C7orf57: variants seen among roughly 807,000 people sequenced by gnomAD.
C7orf57 encodes the protein chromosome 7 open reading frame 57.
A neutral mutation model predicts 39.0 loss-of-function variants in C7orf57; 33 were observed. The ratio of observed to expected loss-of-function variants is 0.85; its 90% CI spans 0.64 to 1.13. The LOEUF is 1.13. Among genes scored for constraint, C7orf57 ranks in the 50% most tolerant of loss-of-function variants. C7orf57 has a pLI of 0.00. For synonymous variants in C7orf57, 124 were observed against 137.1 expected, an observed-to-expected ratio of 0.90 and a Z score of 0.67; for missense variants, 346 against 362.3, an observed-to-expected ratio of 0.95 and a Z score of 0.37.
rs563000998 is a variant in C7orf57, at chr7:48,049,759, C to A, written c.508-121C>A. The A allele has an allele frequency of 3.4e-5, 23 of 676,050 alleles. 1 individual carries two copies. The South Asian group carries it at 3.8e-4, about 11-fold the overall frequency. 41.9% of individuals were successfully genotyped at this position (676,050 alleles called of 1,614,324 possible). ...AATTATATTTTATTGTGAGCATTTA[C>A]AATGACCACATTGAAAGTCCAGCCT... On this transcript the variant is annotated intron_variant, in intron 5 of 8. Coordinates refer to ENST00000348904, the MANE Select transcript of C7orf57 (RefSeq NM_001100159.3).
intron 7 of C7orf57, among the ~76,000 whole-genome samples, chr7:48,054,152 C>A (rs1007881261): frequency 6.6e-6 from 1 of 152,208 alleles, no homozygotes; most frequent in African/African-American, 2.4e-5. Flanking sequence ...TGGTGGCTCA[C>A]GCCTGTAATC....
intron 6 of C7orf57, among the ~76,000 whole-genome samples, chr7:48,051,119 G>GT (rs35939380): frequency 0.3 from 46,197 of 151,992 alleles, 7,648 homozygotes; most frequent in Middle Eastern, 0.53. Context: ...ACAAACCTGT[G>GT]TAAGAGAGTA....
chr7:48,054,748 A>C (rs929215066), intron 8 of C7orf57, 142 bp downstream of exon 8: 3 of 652,416 alleles, frequency 4.6e-6, no homozygotes, highest in Non-Finnish European at 7.8e-6. Flanking sequence ...TCTGACTACA[A>C]AGCTTGTGCC....
At position 48,045,200 on chromosome 7, in the gene C7orf57, G is replaced by A. The variant is rs575255327; in HGVS notation, c.351-1260G>A. On this transcript the variant is annotated intron_variant, in intron 4 of 8. Coordinates refer to ENST00000348904, the MANE Select transcript of C7orf57 (RefSeq NM_001100159.3). ...TCCTGGGACAGGCAGAGGATGAAGA[G>A]TGGGAAGCTCAGGAGAAATCCTTCC... 1.4e-3 allele frequency among the ~76,000 whole-genome samples: 218 copies of A among 152,378 alleles called. 1 individual carries two copies. The highest frequency in any genetic ancestry group is 4.9e-3 in the African/African-American group (202 of 41,586).
At position 48,049,881 on chromosome 7, in the gene C7orf57, T is replaced by G; in HGVS notation, c.509T>G (p.Leu170Arg). Reference sequence around the variant, plus strand: ...GGTTTTGTGTGTTTCCTCACACAGCTGAGGCTACCGGCCATTGACTCAAAG... The same window carrying G: ...GGTTTTGTGTGTTTCCTCACACAGCGGAGGCTACCGGCCATTGACTCAAAG... ...AEELEKEKKK[L>R]RLPAIDSKYL... Residue 170 changes from leucine (L) to arginine (R), a missense_variant and splice_region_variant, in exon 6 of 9, where the codon CTG becomes CGG. Coordinates refer to ENST00000348904, the MANE Select transcript of C7orf57 (RefSeq NM_001100159.3). 1 of 1,613,424 alleles carries G rather than the reference T, an allele frequency of 6.2e-7. No homozygotes were observed. The highest frequency in any genetic ancestry group is 8.5e-7 in the Non-Finnish European group (1 of 1,179,534).
intron 1 of C7orf57, 103 bp from the exon 2 acceptor site, chr7:48,036,105 G>T: frequency 3.1e-6 from 2 of 646,424 alleles, no homozygotes; most frequent in Non-Finnish European, 5.6e-6. Flanking sequence ...TGTATACCCT[G>T]CATGGAAGTG....
intron 6 of C7orf57, 67 bp downstream of exon 6, chr7:48,050,044 G>C (rs546814246): frequency 9.7e-7 from 1 of 1,025,944 alleles, no homozygotes. Flanking sequence ...TCTTTCATCC[G>C]GTGATGACTG....
intron 6 of C7orf57, among the ~76,000 whole-genome samples, chr7:48,051,888 T>TTTCCTTCCTTCC (rs1176772818): frequency 1.4e-5 from 1 of 72,908 alleles, no homozygotes; most frequent in Non-Finnish European, 3.4e-5. Flanking sequence ...TCTTTCTTTC[T>TTTCCTTCCTTCC]TTCCTTCCTT....
chr7:48,036,101 C>T, intron 1 of C7orf57, 107 bp from the exon 2 acceptor site: 2 of 640,058 alleles, frequency 3.1e-6, no homozygotes, highest in East Asian at 2.7e-5. Flanking sequence ...CTGCTGTATA[C>T]CCTGCATGGA....
chr7:48,036,182 C>A (rs1790351105), intron 1 of C7orf57, 26 bp from the exon 2 acceptor site: 1 of 954,698 alleles, frequency 1.0e-6, no homozygotes, highest in Non-Finnish European at 1.7e-6. Context: ...CGACCCAGAG[C>A]GGGCGCGCGG....
intron 4 of C7orf57, among the ~76,000 whole-genome samples, chr7:48,044,191 C>T (rs1189754038): frequency 2.6e-5 from 4 of 152,090 alleles, no homozygotes; most frequent in Admixed American, 6.6e-5. Context: ...GACACTCTGC[C>T]GGATCCGGAG....
Position 48,060,263 on chromosome 7 carries a change from G to A in C7orf57, c.879G>A (p.Glu293=), listed in dbSNP as rs776862931. The change falls in exon 9 of 9, where the codon GAG becomes GAA. Residue 293 remains glutamate (E), a synonymous_variant. Coordinates refer to ENST00000348904, the MANE Select transcript of C7orf57 (RefSeq NM_001100159.3). ...EESVSASTPA[E]LK is the part of the protein sequence containing the mutation. ...CTGTATCTGCATCAACACCAGCAGA[G>A]CTCAAATAAATCCTGATGCAATATG... The A allele has an allele frequency of 1.4e-5, 21 of 1,534,952 alleles. No individual in the cohort carries two copies. Among genetic ancestry groups the A allele is most frequent in the Admixed American group, 2.0e-5 (1 of 51,132 alleles).
In C7orf57 at chr7:48,060,346, C is replaced by A; in HGVS notation, c.*74C>A. The A allele has an allele frequency of 1.1e-6, 1 of 944,754 alleles. No individual in the cohort carries two copies. The highest frequency in any genetic ancestry group is 2.0e-5 in the South Asian group (1 of 51,048). The allele number at this position is 944,754 out of a possible 1,614,324, so 58.5% of individuals were successfully genotyped here. A position where few individuals can be genotyped will look rare whatever the true frequency, so the allele number is the denominator to read the frequency against. ...ACATGACTGTATTATAGCTATATTTCTGAGGCTTTTTTTGTATTTTATTAA... is the reference window on the plus strand; with the variant it reads ...ACATGACTGTATTATAGCTATATTTATGAGGCTTTTTTTGTATTTTATTAA... On this transcript the variant is annotated 3_prime_UTR_variant, in exon 9 of 9. Transcript: ENST00000348904.
chr7:48,042,623 A>G (rs557145205), intron 3 of C7orf57, among the ~76,000 whole-genome samples: 1 of 152,262 alleles, frequency 6.6e-6, no homozygotes, highest in South Asian at 2.1e-4. Context: ...AGGGGAACTC[A>G]TACTATTCTT....
intron 6 of C7orf57, among the ~76,000 whole-genome samples, chr7:48,050,562 A>G (rs1390090399): frequency 6.6e-6 from 1 of 152,108 alleles, no homozygotes; most frequent in Non-Finnish European, 1.5e-5. Flanking sequence ...CTTCTTGTCC[A>G]ATGGGGAAAA....
chr7:48,058,141 T>A (rs1320587863), intron 8 of C7orf57, among the ~76,000 whole-genome samples: 1 of 152,206 alleles, frequency 6.6e-6, no homozygotes, highest in Non-Finnish European at 1.5e-5. Context: ...TCAGGGAAAT[T>A]GGCCTGTAAT....
chr7:48,042,881 T>G (rs1459062798), intron 3 of C7orf57, among the ~76,000 whole-genome samples: 1 of 152,164 alleles, frequency 6.6e-6, no homozygotes, highest in Non-Finnish European at 1.5e-5. Context: ...AGTCCGGAGC[T>G]GGCCTGGGCC....
At chr7:48,051,743 CTTTTTCT>C (rs748189615) in intron 6 of C7orf57, among the ~76,000 whole-genome samples, 6 of 47,406 alleles carry the variant, frequency 1.3e-4, no homozygotes, top group East Asian at 5.1e-4. Flanking sequence ...TCTTTTCTTT[CTTTTTCT>C]TTTCTTTCTT....
chr7:48,059,555 G>A (rs1427649158), intron 8 of C7orf57, among the ~76,000 whole-genome samples: 2 of 152,078 alleles, frequency 1.3e-5, no homozygotes, highest in African/African-American at 4.8e-5. Context: ...TTCGCCATGT[G>A]GCCCAGGCTG....
Sources: gnomAD v4.1 joint callset for allele counts (sites outside exome capture counted in the v4.1 genomes callset) on GRCh38, gnomAD v4.1.1 for gene constraint, MANE v1.5 for transcripts, NCBI Gene and HGNC (gene_info 2026-07-23, HGNC 2026-07-21) for gene names.